Variants in SAP30L observed in about 807,000 individuals in gnomAD.
SAP30L encodes the protein SAP30 like.
Under a neutral mutation model 22.3 loss-of-function variants are expected in SAP30L, and 10 were observed. The ratio of observed to expected loss-of-function variants is 0.45; its 90% CI spans 0.28 to 0.76. The LOEUF is 0.76. SAP30L is among the 30% of genes least tolerant of loss of function. SAP30L has a pLI of 0.14. For missense variants in SAP30L, 206 were observed against 237.9 expected (o/e 0.87, Z 0.88); for synonymous variants, 91 against 94.1 (o/e 0.97, Z 0.19).
intron 1 of SAP30L, among the ~76,000 whole-genome samples, chr5:154,447,997 A>T (rs1757061136): frequency 1.2e-5 from 1 of 86,164 alleles, no homozygotes. Context: ...TTTTTTTGAG[A>T]CGGAGTCTCA....
Position 154,456,423 on chromosome 5 carries a change from G to A in SAP30L, c.*395G>A, listed in dbSNP as rs185806074. On this transcript the variant is annotated 3_prime_UTR_variant, in exon 4 of 4. Coordinates refer to ENST00000297109, the MANE Select transcript of SAP30L (RefSeq NM_024632.6). ...AATTGGCCATGGAAGTGCATGAGCA[G>A]ACCCACATCTGGACTTGCATGCTGC... 14 of 166,610 alleles carry A rather than the reference G, an allele frequency of 8.4e-5. No individual in the cohort carries two copies. The East Asian group carries it at 2.5e-3, about 30-fold the overall frequency. The allele number at this position is 166,610 out of a possible 1,614,324, so 10.3% of individuals were successfully genotyped here.
intron 1 of SAP30L, among the ~76,000 whole-genome samples, chr5:154,447,487 T>A (rs114789167): frequency 6.6e-5 from 10 of 152,356 alleles, no homozygotes; most frequent in African/African-American, 2.4e-4. Flanking sequence ...TGTGGCTTAT[T>A]ATAGGAAACT....
chr5:154,459,451 T>C lies in SAP30L; in HGVS notation c.*3423T>C, dbSNP rs1757330542. ...CCCCATGGGGGCCACATGGGACAAG[T>C]TATTTTTGGCAAAGCACCTAATTGC... On this transcript the variant is annotated 3_prime_UTR_variant, in exon 4 of 4. Coordinates refer to ENST00000297109, the MANE Select transcript of SAP30L (RefSeq NM_024632.6). 6.6e-6 allele frequency: 1 copy of C among 152,248 alleles called. No homozygotes were observed. The highest frequency in any genetic ancestry group is 6.5e-5 in the Admixed American group (1 of 15,280). 9.4% of individuals were successfully genotyped at this position (152,248 alleles called of 1,614,324 possible).
intron 2 of SAP30L, chr5:154,452,404 A>G: frequency 5.6e-6 from 5 of 892,996 alleles, no homozygotes; most frequent in Non-Finnish European, 6.7e-6. Context: ...ATGTTTTGAA[A>G]AAGAATGAAG....
chr5:154,456,086 C>T lies in SAP30L; in HGVS notation c.*58C>T. Reference sequence around the variant, plus strand: ...ATGCTTGATGCACAGGTGATATCTACTACATTTAAGCCCATAAAGACTGTT... The same window carrying T: ...ATGCTTGATGCACAGGTGATATCTATTACATTTAAGCCCATAAAGACTGTT... On this transcript the variant is annotated 3_prime_UTR_variant, in exon 4 of 4. Coordinates refer to ENST00000297109, the MANE Select transcript of SAP30L (RefSeq NM_024632.6). The T allele has an allele frequency of 6.4e-7, 1 of 1,553,060 alleles. No homozygotes were observed. The highest frequency in any genetic ancestry group is 8.7e-7 in the Non-Finnish European group (1 of 1,144,498).
In SAP30L at chr5:154,453,392, T is replaced by C; in HGVS notation, c.325-10T>C. ...GGTGATGGATAACATTTTTCTCCTCTTCTCCCTAGGTTGATCTGTTCCAGC... is the reference window on the plus strand; with the variant it reads ...GGTGATGGATAACATTTTTCTCCTCCTCTCCCTAGGTTGATCTGTTCCAGC... On this transcript the variant is annotated splice_polypyrimidine_tract_variant and intron_variant, in intron 2 of 3. Transcript: ENST00000297109. The C allele has an allele frequency of 2.5e-6, 4 of 1,608,982 alleles. No individual in the cohort carries two copies. Among genetic ancestry groups the C allele is most frequent in the Non-Finnish European group, 3.4e-6 (4 of 1,175,540 alleles).
chr5:154,446,777 A>G lies in SAP30L; in HGVS notation c.173A>G (p.Lys58Arg). Reference protein sequence around the residue: ...SKRVQKSISQKKLKLDIDKSV... With the variant: ...SKRVQKSISQRKLKLDIDKSV... The stretch of plus-strand genomic sequence containing the variant: ...AGGGTCCAGAAGAGCATCTCGCAGA[A>G]GAAACTCAAGCTGGACATCGACAAG... Residue 58 changes from lysine (K) to arginine (R), a missense_variant, in exon 1 of 4, where the codon AAG (lysine) becomes AGG (arginine). This residue lies in a region of SAP30L where 136 missense variants were observed against 187.4 expected (regional missense o/e 0.73). Transcript: ENST00000297109. 1.2e-6 allele frequency: 2 copies of G among 1,604,120 alleles called. No homozygotes were observed. Among genetic ancestry groups the G allele is most frequent in the Non-Finnish European group, 1.7e-6 (2 of 1,176,906 alleles).
chr5:154,448,362 C>G (rs1757069848), intron 1 of SAP30L, among the ~76,000 whole-genome samples: 1 of 152,174 alleles, frequency 6.6e-6, no homozygotes, highest in Admixed American at 6.5e-5. Context: ...TGGACAGGTG[C>G]TATTTTTAAG....
At chr5:154,446,976 TCTGA>T (rs1202515194) in intron 1 of SAP30L, among the ~76,000 whole-genome samples, 171 bp downstream of exon 1, 2 of 152,200 alleles carry the variant, frequency 1.3e-5, no homozygotes, top group Non-Finnish European at 2.9e-5. Context: ...GCTGACATGC[TCTGA>T]CTGTGATTCT....
chr5:154,452,113 A>G (rs1423536136), intron 2 of SAP30L, among the ~76,000 whole-genome samples: 2 of 152,200 alleles, frequency 1.3e-5, no homozygotes, highest in Non-Finnish European at 2.9e-5. Context: ...TACATTGAAT[A>G]TTTGACACAT....
rs758066585 is a variant in SAP30L, at chr5:154,460,729, CCTT to C, written c.*4705_*4707del. ...CCAATGACAGAGGGTTATACAGGAT[CCTT>C]CTTTTACATTTCTATTGTCTGCTAC... is the stretch of plus-strand genomic sequence containing the variant. On this transcript the variant is annotated 3_prime_UTR_variant, in exon 4 of 4. Transcript: ENST00000297109. The C allele has an allele frequency of 7.2e-5, 11 of 152,174 alleles. No homozygotes were observed. Among genetic ancestry groups the C allele is most frequent in the Non-Finnish European group, 1.3e-4 (9 of 68,030 alleles). The allele number at this position is 152,174 out of a possible 1,614,324, so 9.4% of individuals were successfully genotyped here. A position where few individuals can be genotyped will look rare whatever the true frequency, so the allele number is the denominator to read the frequency against.
Position 154,446,904 on chromosome 5 carries a change from G to A in SAP30L, c.201+99G>A. ...GACTCCCCGGGCACTCCCCGCCGTG[G>A]GCCTCGCCGCCCCGGCTCTGCAGAA... On this transcript the variant is annotated intron_variant, in intron 1 of 3. Coordinates refer to ENST00000297109, the MANE Select transcript of SAP30L (RefSeq NM_024632.6). 3.0e-6 allele frequency: 3 copies of A among 1,016,428 alleles called. No homozygotes were observed. In the Admixed American group the frequency reaches 6.9e-5, roughly 24 times the overall value. 63.0% of individuals were successfully genotyped at this position (1,016,428 alleles called of 1,614,324 possible). A position where few individuals can be genotyped will look rare whatever the true frequency, so the allele number is the denominator to read the frequency against.
chr5:154,450,483 C>A (rs975451854), intron 1 of SAP30L, among the ~76,000 whole-genome samples: 7 of 152,286 alleles, frequency 4.6e-5, no homozygotes, highest in African/African-American at 1.7e-4. Flanking sequence ...TTCCTCCTCC[C>A]CAGGACAGTA....
At chr5:154,453,141 C>G (rs959959893) in intron 2 of SAP30L, 1 of 366,834 alleles carries the variant, frequency 2.7e-6, no homozygotes, top group Admixed American at 4.3e-5. Flanking sequence ...AGTGCTTTAT[C>G]AGACCCTGCT....
In SAP30L at chr5:154,459,835, T is replaced by C. The variant is rs770240202; in HGVS notation, c.*3807T>C. ...GCCCAGGGCTTGTACCTTAGATTCC[T>C]GTAAGGACTTTGCACTGTTTTTGCT... On this transcript the variant is annotated 3_prime_UTR_variant, in exon 4 of 4. Coordinates refer to ENST00000297109, the MANE Select transcript of SAP30L (RefSeq NM_024632.6). 1 of 152,216 alleles carries C rather than the reference T, an allele frequency of 6.6e-6. No homozygotes were observed. The highest frequency in any genetic ancestry group is 1.5e-5 in the Non-Finnish European group (1 of 68,038). 9.4% of individuals were successfully genotyped at this position (152,216 alleles called of 1,614,324 possible).
rs1336634695 is a variant in SAP30L, at chr5:154,456,056, G to A, written c.*28G>A. 1.2e-6 allele frequency: 2 copies of A among 1,608,292 alleles called. No homozygotes were observed. The highest frequency in any genetic ancestry group is 2.7e-5 in the African/African-American group (2 of 74,688). On this transcript the variant is annotated 3_prime_UTR_variant, in exon 4 of 4. Coordinates refer to ENST00000297109, the MANE Select transcript of SAP30L (RefSeq NM_024632.6). Reference sequence around the variant, plus strand: ...ATGAAGCACATCTTAAAGGAATGAAGTGTAATGCTTGATGCACAGGTGATA... The same window carrying A: ...ATGAAGCACATCTTAAAGGAATGAAATGTAATGCTTGATGCACAGGTGATA...
intron 1 of SAP30L, among the ~76,000 whole-genome samples, chr5:154,447,427 T>C (rs1302937604): frequency 6.6e-6 from 1 of 152,246 alleles, no homozygotes; most frequent in Non-Finnish European, 1.5e-5. Context: ...GTAGTTTCTT[T>C]TGAAATAAGG....
chr5:154,446,884 CCCGGGCACTCCCCG>C, intron 1 of SAP30L, 79 bp downstream of exon 1: 1 of 1,240,972 alleles, frequency 8.1e-7, no homozygotes, highest in Non-Finnish European at 1.1e-6. Context: ...GTCGGGACTC[CCCGGGCACTCCCCG>C]CCGTGGGCCT....
At position 154,457,296 on chromosome 5, in the gene SAP30L, T is replaced by A. The variant is rs1757284260; in HGVS notation, c.*1268T>A. ...CTTTTGCAAAATTCTTTAATCTGTG[T>A]AATGGAGGGCAGAGGGTATGGGGTA... On this transcript the variant is annotated 3_prime_UTR_variant, in exon 4 of 4. Transcript: ENST00000297109. 1 of 152,174 alleles carries A rather than the reference T, an allele frequency of 6.6e-6. No homozygotes were observed. Among genetic ancestry groups the A allele is most frequent in the Non-Finnish European group, 1.5e-5 (1 of 68,032 alleles). 9.4% of individuals were successfully genotyped at this position (152,174 alleles called of 1,614,324 possible). A position where few individuals can be genotyped will look rare whatever the true frequency, so the allele number is the denominator to read the frequency against.
Sources: allele counts gnomAD v4.1 joint callset (sites outside exome capture counted in the v4.1 genomes callset), GRCh38; gene constraint gnomAD v4.1.1; regional missense constraint gnomAD v4.1.1; transcripts MANE v1.5; gene names NCBI Gene and HGNC (gene_info 2026-07-23, HGNC 2026-07-21).